The following TEP1 variants were observed in gnomAD, a reference collection of about 807,000 sequenced individuals.
The protein encoded by TEP1 is telomerase protein component 1.
In TEP1, 241 loss-of-function variants were observed where a neutral mutation model predicts 306.3. The observed-to-expected ratio is 0.79, with a 90% CI of 0.71 to 0.88. TEP1 has a LOEUF of 0.88. Ranked by LOEUF, TEP1 falls within the 40% of genes least tolerant of loss-of-function variation. The pLI is 0.00. For synonymous variants in TEP1, 1,289 were observed against 1,305.5 expected (o/e 0.99, Z 0.27); for missense variants, 3,051 against 3,276.1 (o/e 0.93, Z 1.68).
intron 3 of TEP1, 49 bp downstream of exon 3, chr14:20,406,184 C>A (rs751002055): frequency 1.9e-6 from 3 of 1,597,522 alleles, no homozygotes; most frequent in Non-Finnish European, 1.7e-6. Context: ...CCACCACCAA[C>A]CTCCCCTCCA....
chr14:20,386,368 C>A, intron 19 of TEP1, 79 bp downstream of exon 19: 1 of 1,573,080 alleles, frequency 6.4e-7, no homozygotes, highest in Non-Finnish European at 8.6e-7. Context: ...ATTCTTGCAG[C>A]CCCAACCATG....
rs748247327 is a variant in TEP1, at chr14:20,404,805, G to A, written c.871-33C>T. On this transcript the variant is annotated intron_variant, in intron 4 of 54. Transcript: ENST00000262715. ...ACAGGGTGAGAGGACTAGAATCTCA[G>A]TCACTCCTCCCGTAGCTTTCTGCCC... 1.9e-6 allele frequency: 3 copies of A among 1,572,234 alleles called. No individual in the cohort carries two copies. In the East Asian group the frequency reaches 6.8e-5, roughly 36 times the overall value.
intron 12 of TEP1, among the ~76,000 whole-genome samples, chr14:20,393,529 C>T (rs530235532): frequency 2.0e-5 from 3 of 152,294 alleles, no homozygotes; most frequent in South Asian, 2.1e-4. Flanking sequence ...TGGTGGCTTA[C>T]GCCTGTAATC....
chr14:20,403,226 C>T (rs1226636946), intron 7 of TEP1, 151 bp downstream of exon 7: 1 of 840,438 alleles, frequency 1.2e-6, no homozygotes. Flanking sequence ...AAACCACATG[C>T]CTTTCCCAGT....
chr14:20,383,039 A>C lies in TEP1; in HGVS notation c.4047+135T>G, dbSNP rs1309020724. The C allele has an allele frequency of 7.4e-6, 8 of 1,077,720 alleles. No individual in the cohort carries two copies. The Admixed American group carries it at 2.0e-4, about 27-fold the overall frequency. 66.8% of individuals were successfully genotyped at this position (1,077,720 alleles called of 1,614,324 possible). A position where few individuals can be genotyped will look rare whatever the true frequency, so the allele number is the denominator to read the frequency against. On this transcript the variant is annotated intron_variant, in intron 27 of 54. Coordinates refer to ENST00000262715, the MANE Select transcript of TEP1 (RefSeq NM_007110.5). ...CAGGAATCACAATTTTCTTATTAAC[A>C]ACTTCCCATGGACAGAATTTCTGAG...
chr14:20,369,500 G>A lies in TEP1; in HGVS notation c.7500C>T (p.Thr2500=), dbSNP rs771941999. Residue 2500 remains threonine (T), a synonymous_variant, in exon 53 of 55, where the codon ACC becomes ACT. Transcript: ENST00000262715. ...LAKCSPEGEW[T]TGNMWQKKAN... is the part of the protein sequence containing the mutation. ...CTTTTTTCTGCCACATGTTACCTGT[G>A]GTCCATTCTCCTTCTGGGCTGCATT... 6.2e-7 allele frequency: 1 copy of A among 1,614,118 alleles called. No homozygotes were observed. The highest frequency in any genetic ancestry group is 1.1e-5 in the South Asian group (1 of 91,080).
chr14:20,386,716 A>G, intron 18 of TEP1, 93 bp from the exon 19 acceptor site: 1 of 1,341,772 alleles, frequency 7.5e-7, no homozygotes, highest in Non-Finnish European at 9.6e-7. Flanking sequence ...CACTGAGCAC[A>G]AGCCAGGTAC....
At chr14:20,400,672 A>G (rs1398926494) in intron 9 of TEP1, 2 of 265,020 alleles carry the variant, frequency 7.5e-6, no homozygotes, top group Admixed American at 9.3e-5. Context: ...TGCCAGTCCT[A>G]CCTTTTTTGG....
At chr14:20,376,348 T>G (rs1424521373) in intron 41 of TEP1, 84 bp from the exon 42 acceptor site, 1 of 1,445,674 alleles carries the variant, frequency 6.9e-7, no homozygotes, top group Non-Finnish European at 9.4e-7. Flanking sequence ...GGAGCGGCCA[T>G]GGGGGCTGAG....
intron 12 of TEP1, 115 bp from the exon 13 acceptor site, chr14:20,391,882 C>G: frequency 8.7e-7 from 1 of 1,148,768 alleles, no homozygotes; most frequent in East Asian, 2.4e-5. Flanking sequence ...CCCTCAAGCA[C>G]CATACCCGCT....
In TEP1 at chr14:20,369,523, A is replaced by AT; in HGVS notation, c.7476dup (p.Cys2493MetfsTer11). 4 of 1,614,066 alleles carry AT rather than the reference A, an allele frequency of 2.5e-6. No individual in the cohort carries two copies. The highest frequency in any genetic ancestry group is 3.4e-6 in the Non-Finnish European group (4 of 1,180,016). ...GTGGTCCATTCTCCTTCTGGGCTGC[A>AT]TTTGGCCAGGTTCCATAGGATCCCA... On this transcript the variant is annotated frameshift_variant, in exon 53 of 55. Coordinates refer to ENST00000262715, the MANE Select transcript of TEP1 (RefSeq NM_007110.5). LOFTEE classifies it high-confidence loss of function.
At chr14:20,412,786 G>C (rs1594386212) in intron 1 of TEP1, among the ~76,000 whole-genome samples, 1 of 148,326 alleles carries the variant, frequency 6.7e-6, no homozygotes, top group African/African-American at 2.5e-5. Context: ...AGCCTTCCGA[G>C]TAACTGGGAT....
At chr14:20,404,852 T>A in intron 4 of TEP1, 80 bp from the exon 5 acceptor site, 1 of 1,488,794 alleles carries the variant, frequency 6.7e-7, no homozygotes, top group Non-Finnish European at 9.0e-7. Context: ...GCTGATTGAG[T>A]GTGCCTGTAT....
At position 20,385,112 on chromosome 14, in the gene TEP1, G is replaced by A; in HGVS notation, c.2983-3C>T. ...CGCCCTGAAGGGTACTGCTGGGCCTGCGGGGAGGACAGAGACAGTGAGTTT... is the reference window on the plus strand; with the variant it reads ...CGCCCTGAAGGGTACTGCTGGGCCTACGGGGAGGACAGAGACAGTGAGTTT... On this transcript the variant is annotated splice_region_variant and splice_polypyrimidine_tract_variant and intron_variant, in intron 20 of 54. Transcript: ENST00000262715. The A allele has an allele frequency of 6.2e-7, 1 of 1,613,836 alleles. No homozygotes were observed. Among genetic ancestry groups the A allele is most frequent in the Non-Finnish European group, 8.5e-7 (1 of 1,179,898 alleles).
chr14:20,408,471 G>C lies in TEP1; in HGVS notation c.-24-8C>G. On this transcript the variant is annotated splice_region_variant and splice_polypyrimidine_tract_variant and intron_variant, in intron 1 of 54. Coordinates refer to ENST00000262715, the MANE Select transcript of TEP1 (RefSeq NM_007110.5). ...AACTCAGCTTGTATATGCCTAGAAGGAGAGAAAGACAGGAGATGAGCACCT... is the reference window on the plus strand; with the variant it reads ...AACTCAGCTTGTATATGCCTAGAAGCAGAGAAAGACAGGAGATGAGCACCT... 1 of 1,591,600 alleles carries C rather than the reference G, an allele frequency of 6.3e-7. No individual in the cohort carries two copies. The highest frequency in any genetic ancestry group is 8.5e-7 in the Non-Finnish European group (1 of 1,172,034).
intron 9 of TEP1, among the ~76,000 whole-genome samples, chr14:20,397,370 G>A (rs943372016): frequency 5.3e-5 from 8 of 151,968 alleles, no homozygotes; most frequent in Admixed American, 3.3e-4. Context: ...TTAGCCAGGC[G>A]TGGTGTCTGG....
At chr14:20,394,474 C>CTTTTTTTT (rs747749338) in intron 12 of TEP1, among the ~76,000 whole-genome samples, 15 of 100,448 alleles carry the variant, frequency 1.5e-4, no homozygotes, top group East Asian at 2.8e-4. Flanking sequence ...GCCCCTTGGG[C>CTTTTTTTT]TTTTTTTTTT....
chr14:20,387,938 G>C lies in TEP1; in HGVS notation c.2651C>G (p.Thr884Ser), dbSNP rs1025380316. The C allele has an allele frequency of 4.3e-6, 7 of 1,613,668 alleles. No homozygotes were observed. Among genetic ancestry groups the C allele is most frequent in the African/African-American group, 1.3e-5 (1 of 74,932 alleles). ...GGAAACAGGAGCCAAGGGGCTTGGA[G>C]TGTCCTCTTCCAGTGGCCGGAGAGA... is the stretch of plus-strand genomic sequence containing the variant. Reference protein sequence around the residue: ...VQSLRPLEEDTPSPLAPVSQQ... With the variant: ...VQSLRPLEEDSPSPLAPVSQQ... The change falls in exon 18 of 55, where the codon ACT becomes AGT. Residue 884 changes from threonine to serine, a missense_variant. Transcript: ENST00000262715.
At position 20,406,382 on chromosome 14, in the gene TEP1, C is replaced by G. The variant is rs747577811; in HGVS notation, c.586G>C (p.Glu196Gln). The G allele has an allele frequency of 2.5e-6, 4 of 1,614,090 alleles. No homozygotes were observed. Among genetic ancestry groups the G allele is most frequent in the Non-Finnish European group, 3.4e-6 (4 of 1,179,996 alleles). ...TGGGTCTCTGCCCCTTTCTTCTCTTCTGAATCAAACCAACGACCCTGGGGT... is the reference window on the plus strand; with the variant it reads ...TGGGTCTCTGCCCCTTTCTTCTCTTGTGAATCAAACCAACGACCCTGGGGT... ...EATLGRWFDSEEKKGAETQMP... is the reference protein window; with the variant it reads ...EATLGRWFDSQEKKGAETQMP... Residue 196 changes from glutamate to glutamine, a missense_variant, in exon 3 of 55, where the codon GAA becomes CAA. Physicochemically the swap from Glu to Gln is conservative, Grantham distance 29 (BLOSUM62 2). Around this residue, in one of 3 missense-constraint regions of TEP1, gnomAD observed 1,507 missense variants for 1,550.5 expected, o/e 0.97. Transcript: ENST00000262715.
Sources: gnomAD v4.1 joint callset for allele counts (sites outside exome capture counted in the v4.1 genomes callset) on GRCh38, gnomAD v4.1.1 for gene constraint, gnomAD v4.1.1 regional missense constraint, MANE v1.5 for transcripts, NCBI Gene and HGNC (gene_info 2026-07-23, HGNC 2026-07-21) for gene names.